Variants in SOX5 observed in about 807,000 individuals in gnomAD.
SOX5 encodes SRY-box transcription factor 5, also known as transcription factor SOX-5.
Under a neutral mutation model 92.0 loss-of-function variants are expected in SOX5, and 9 were observed. The ratio of observed to expected loss-of-function variants is 0.10; its 90% CI spans 0.06 to 0.17. The LOEUF (loss-of-function observed/expected upper bound fraction) is 0.17, where lower values mean the gene tolerates loss of function less well. Ranked by LOEUF, SOX5 falls within the 10% of genes least tolerant of loss-of-function variation. The pLI is 1.00. For synonymous variants in SOX5, 344 were observed against 336.3 expected (o/e 1.02, Z -0.25); for missense variants, 642 against 944.5 (o/e 0.68, Z 4.20).
intron 6 of SOX5, among the ~76,000 whole-genome samples, chr12:23,722,933 C>T (rs138826664): frequency 0.027 from 4,170 of 152,154 alleles, 86 homozygotes; most frequent in South Asian, 0.041. Context: ...GTTTTGACTG[C>T]TAGTCATTCA....
At chr12:24,045,704 G>A (rs1454050357) in intron 4 of SOX5, among the ~76,000 whole-genome samples, 1 of 152,178 alleles carries the variant, frequency 6.6e-6, no homozygotes, top group African/African-American at 2.4e-5. Flanking sequence ...TCAATGTGTA[G>A]CCCACCATTA....
chr12:23,950,740 G>T, upstream of SOX5: 1 of 805,688 alleles, frequency 1.2e-6, no homozygotes, highest in Non-Finnish European at 2.0e-6. Flanking sequence ...AAGCTGGCTG[G>T]CAAGGCACAG....
At chr12:23,569,738 G>A (rs1337848410) in intron 10 of SOX5, among the ~76,000 whole-genome samples, 6 of 152,084 alleles carry the variant, frequency 3.9e-5, no homozygotes, top group African/African-American at 1.4e-4. Context: ...CTGGTGTGTT[G>A]GTGAATTTAT....
intron 3 of SOX5, among the ~76,000 whole-genome samples, chr12:24,265,282 C>T (rs1297213724): frequency 2.0e-5 from 3 of 152,100 alleles, no homozygotes; most frequent in Non-Finnish European, 4.4e-5. Flanking sequence ...TGTGGTGGCT[C>T]ACGCCCGTAA....
chr12:23,545,130 T>C (rs1458879726), intron 12 of SOX5, among the ~76,000 whole-genome samples: 2 of 152,218 alleles, frequency 1.3e-5, no homozygotes, highest in Non-Finnish European at 2.9e-5. Context: ...GTCCCTTGAT[T>C]AGTATAGACC....
chr12:23,792,458 A>G (rs1486918327), intron 3 of SOX5, among the ~76,000 whole-genome samples: 1 of 151,508 alleles, frequency 6.6e-6, no homozygotes, highest in Non-Finnish European at 1.5e-5. Context: ...CACCATCTCT[A>G]CTAAAAATAC....
intron 1 of SOX5, among the ~76,000 whole-genome samples, chr12:23,926,537 C>T (rs921779211): frequency 2.0e-5 from 3 of 152,034 alleles, no homozygotes; most frequent in African/African-American, 7.2e-5. Context: ...TTTATCTGAA[C>T]TTATGGATTA....
chr12:23,581,036 G>A (rs1172235188), intron 9 of SOX5, among the ~76,000 whole-genome samples: 7 of 151,828 alleles, frequency 4.6e-5, no homozygotes, highest in Non-Finnish European at 7.4e-5. Flanking sequence ...AAGAAAATAT[G>A]TTACTGTAAC....
intron 3 of SOX5, among the ~76,000 whole-genome samples, chr12:24,263,728 G>A (rs1484481637): frequency 6.6e-6 from 1 of 152,144 alleles, no homozygotes; most frequent in Non-Finnish European, 1.5e-5. Context: ...CAAGTACTCA[G>A]TATATATGTA....
chr12:24,339,640 A>G (rs1164755548), intron 2 of SOX5, among the ~76,000 whole-genome samples: 1 of 152,204 alleles, frequency 6.6e-6, no homozygotes, highest in Non-Finnish European at 1.5e-5. Context: ...AAATGATTGT[A>G]TAAAAGAAAA....
chr12:24,405,608 T>C (rs1019214658), intron 1 of SOX5, among the ~76,000 whole-genome samples: 2 of 152,168 alleles, frequency 1.3e-5, no homozygotes, highest in Non-Finnish European at 2.9e-5. Context: ...TGTACATCAG[T>C]GGATCCAGGA....
At chr12:24,305,849 G>A (rs186651953) in intron 2 of SOX5, among the ~76,000 whole-genome samples, 42 of 152,122 alleles carry the variant, frequency 2.8e-4, no homozygotes, top group African/African-American at 7.7e-4. Context: ...TGCCTGCCTC[G>A]GCCTCCCAAA....
chr12:23,700,725 G>A (rs568801968), intron 6 of SOX5, among the ~76,000 whole-genome samples: 1 of 152,098 alleles, frequency 6.6e-6, no homozygotes, highest in East Asian at 1.9e-4. Flanking sequence ...AATATGTAGA[G>A]AAGAATTAAG....
intron 2 of SOX5, among the ~76,000 whole-genome samples, chr12:24,326,998 G>A (rs1055866010): frequency 2.6e-5 from 4 of 152,094 alleles, no homozygotes; most frequent in Admixed American, 6.5e-5. Flanking sequence ...TTGGCACAGC[G>A]TCTCAGACAC....
At chr12:24,107,893 A>G (rs1424211639) in intron 4 of SOX5, among the ~76,000 whole-genome samples, 5 of 152,212 alleles carry the variant, frequency 3.3e-5, no homozygotes, top group Non-Finnish European at 7.4e-5. Context: ...TGACCAGCAG[A>G]CCACTCAAAA....
chr12:24,095,702 G>T (rs1945322212), intron 4 of SOX5, among the ~76,000 whole-genome samples: 1 of 152,140 alleles, frequency 6.6e-6, no homozygotes, highest in East Asian at 1.9e-4. Flanking sequence ...TCAAAGGGGA[G>T]ACCAGGTGGA....
At chr12:24,361,659 G>A (rs1416432204) in intron 2 of SOX5, among the ~76,000 whole-genome samples, 1 of 152,110 alleles carries the variant, frequency 6.6e-6, no homozygotes, top group Non-Finnish European at 1.5e-5. Context: ...GCATGCACGT[G>A]CGCACACGCA....
At chr12:23,971,747 T>C (rs537130648) in intron 4 of SOX5, among the ~76,000 whole-genome samples, 129 of 152,188 alleles carry the variant, frequency 8.5e-4, no homozygotes, top group African/African-American at 2.9e-3. Context: ...GTTCATTCTT[T>C]GACCCTTCCC....
intron 5 of SOX5, among the ~76,000 whole-genome samples, chr12:23,738,776 T>C (rs2140969756): frequency 6.6e-6 from 1 of 152,272 alleles, no homozygotes; most frequent in South Asian, 2.1e-4. Context: ...CTGAAGCTCC[T>C]AGGATTCTCC....
Sources: allele counts gnomAD v4.1 joint callset (sites outside exome capture counted in the v4.1 genomes callset), GRCh38; gene constraint gnomAD v4.1.1; transcripts MANE v1.5; gene names NCBI Gene and HGNC (gene_info 2026-07-23, HGNC 2026-07-21).